The following TMPRSS9 variants were observed in gnomAD, a reference collection of about 807,000 sequenced individuals.
The protein encoded by TMPRSS9 is transmembrane serine protease 9.
TMPRSS9 carries 113 observed loss-of-function variants against 111.4 expected under a neutral mutation model. That is an observed-to-expected ratio of 1.01 (90% CI 0.87 to 1.19). The LOEUF (loss-of-function observed/expected upper bound fraction) is 1.19. TMPRSS9 is among the 50% of genes most tolerant of loss of function. The pLI is 0.00. For missense variants in TMPRSS9, 1,803 were observed against 1,513.1 expected (o/e 1.19, Z -3.18); for synonymous variants, 805 against 659.1 (o/e 1.22, Z -3.39).
At chr19:2,416,298 A>C (rs1333658513) in intron 11 of TMPRSS9, 1 of 567,150 alleles carries the variant, frequency 1.8e-6, no homozygotes, top group Non-Finnish European at 3.1e-6. Flanking sequence ...ACAGGTGTAG[A>C]AAATGAAGCC....
intron 1 of TMPRSS9, among the ~76,000 whole-genome samples, chr19:2,379,615 C>CTTTCTTTCTT (rs1555676512): frequency 2.5e-5 from 3 of 118,510 alleles, no homozygotes; most frequent in African/African-American, 6.4e-5. Context: ...AACTTTCTTT[C>CTTTCTTTCTT]TCTTTCTTTC....
At chr19:2,414,081 A>G (rs188033553) in intron 10 of TMPRSS9, 63 bp downstream of exon 11, 9 of 1,431,108 alleles carry the variant, frequency 6.3e-6, no homozygotes, top group South Asian at 2.9e-5. Context: ...GGGAGAACGG[A>G]TATCGTCATA....
intron 9 of TMPRSS9, among the ~76,000 whole-genome samples, chr19:2,413,179 A>C (rs888598479): frequency 6.6e-6 from 1 of 152,140 alleles, no homozygotes; most frequent in Admixed American, 6.6e-5. Context: ...TGGGCAACAG[A>C]GCAAAACTCT....
intron 1 of TMPRSS9, 28 bp downstream of exon 2, chr19:2,389,955 C>T (rs559847158): frequency 7.5e-6 from 12 of 1,593,944 alleles, no homozygotes; most frequent in South Asian, 3.3e-5. Flanking sequence ...TGGCTGGGTT[C>T]GCAATACAAG....
exon 17 of TMPRSS9, chr19:2,425,467 C>A: frequency 1.9e-6 from 3 of 1,591,354 alleles, no homozygotes; most frequent in Non-Finnish European, 2.6e-6. Context: ...TGCCGGCTTC[C>A]CGCAGGGTGG....
intron 7 of TMPRSS9, among the ~76,000 whole-genome samples, chr19:2,407,493 C>T (rs568697879): frequency 6.6e-6 from 1 of 151,778 alleles, no homozygotes; most frequent in African/African-American, 2.4e-5. Context: ...CGCCACTGCA[C>T]TCCAGTCTGG....
intron 12 of TMPRSS9, 152 bp from the exon 14 acceptor site, chr19:2,417,850 C>G: frequency 8.8e-7 from 1 of 1,137,210 alleles, no homozygotes; most frequent in Non-Finnish European, 1.3e-6. Flanking sequence ...CCTCCTCACT[C>G]TGTGGCTTTG....
At chr19:2,395,668 T>A (rs1004635123) in intron 1 of TMPRSS9, among the ~76,000 whole-genome samples, 3 of 150,296 alleles carry the variant, frequency 2.0e-5, no homozygotes, top group African/African-American at 7.4e-5. Flanking sequence ...TGAGGCGAGA[T>A]CATGCCATTG....
At position 2,398,155 on chromosome 19, in the gene TMPRSS9, G is replaced by A. The variant is rs112203660; in HGVS notation, c.271-640G>A. 1.4e-3 allele frequency among the ~76,000 whole-genome samples: 216 copies of A among 149,620 alleles called. 2 individuals carry two copies. The highest frequency in any genetic ancestry group is 4.9e-3 in the African/African-American group (197 of 40,358). On this transcript the variant is annotated intron_variant, in intron 2 of 17. Coordinates refer to ENST00000648592, the Ensembl canonical transcript of TMPRSS9. ...CTAAAAAATACAAAAAATTAGCCACGCATGGTGGTGTGTGCCTGTAATCCC... is the reference window on the plus strand; with the variant it reads ...CTAAAAAATACAAAAAATTAGCCACACATGGTGGTGTGTGCCTGTAATCCC...
chr19:2,411,286 CAA>C (rs1325957999), intron 9 of TMPRSS9, among the ~76,000 whole-genome samples: 1 of 67,702 alleles, frequency 1.5e-5, no homozygotes, highest in African/African-American at 6.0e-5. Flanking sequence ...GGCGACAAAG[CAA>C]GACTCTGTCT....
At chr19:2,424,202 G>T in exon 15 of TMPRSS9, 1 of 1,454,650 alleles carries the variant, frequency 6.9e-7, no homozygotes, top group Non-Finnish European at 9.1e-7. Context: ...ACACCGTTGC[G>T]GGGCCGTGCT....
chr19:2,361,903 T>C (rs1181837474), intron 1 of TMPRSS9, among the ~76,000 whole-genome samples: 2 of 152,152 alleles, frequency 1.3e-5, no homozygotes, highest in Non-Finnish European at 2.9e-5. Flanking sequence ...AGGACACCTG[T>C]GGTCCTGGCT....
At chr19:2,363,565 G>A (rs978247142) in intron 1 of TMPRSS9, among the ~76,000 whole-genome samples, 10 of 151,764 alleles carry the variant, frequency 6.6e-5, no homozygotes, top group South Asian at 2.1e-4. Context: ...GTGATTCCCC[G>A]TGCATCTGTG....
intron 7 of TMPRSS9, among the ~76,000 whole-genome samples, chr19:2,406,577 C>T (rs1040432884): frequency 9.3e-5 from 14 of 150,076 alleles, no homozygotes; most frequent in African/African-American, 1.5e-4. Context: ...TCAGGTGATC[C>T]GCCCACCTCA....
intron 1 of TMPRSS9, among the ~76,000 whole-genome samples, chr19:2,365,986 T>A (rs1006522581): frequency 1.3e-5 from 2 of 150,142 alleles, no homozygotes; most frequent in East Asian, 4.0e-4. Context: ...TAAATAATTT[T>A]AAAAAAGAGA....
intron 2 of TMPRSS9, 87 bp downstream of exon 3, chr19:2,396,753 G>A (rs1343857723): frequency 6.7e-7 from 1 of 1,493,866 alleles, no homozygotes; most frequent in African/African-American, 1.4e-5. Flanking sequence ...GTGGGAGGGA[G>A]GCAGGCCACA....
At chr19:2,413,911 C>A (rs945645638) in exon 10 of TMPRSS9, 41 of 1,612,902 alleles carry the variant, frequency 2.5e-5, no homozygotes, top group Non-Finnish European at 3.3e-5. Flanking sequence ...GCCCCCAGCA[C>A]AGCCTGGCCC....
intron 1 of TMPRSS9, among the ~76,000 whole-genome samples, chr19:2,363,778 C>CTG (rs1491346219): frequency 0.012 from 1,382 of 118,780 alleles, 21 homozygotes; most frequent in African/African-American, 0.033. Flanking sequence ...ATTCCAAGAA[C>CTG]TCTGTGTGTG....
chr19:2,424,620 G>GC lies in TMPRSS9; in HGVS notation c.2717+369dup, dbSNP rs551944758. ...CCCTCGCCCCTGGGACTTGGCTCCA[G>GC]CCCCCCAAAGCCCACCCAGTAGAAA... On this transcript the variant is annotated intron_variant, in intron 15 of 17. Coordinates refer to ENST00000648592, the Ensembl canonical transcript of TMPRSS9. Among the ~76,000 whole-genome samples the GC allele has an allele frequency of 1.7e-3, 250 of 151,436 alleles. 1 individual carries two copies. Among genetic ancestry groups the GC allele is most frequent in the Non-Finnish European group, 3.2e-3 (219 of 67,898 alleles).
Sources: gnomAD v4.1 joint callset for allele counts (sites outside exome capture counted in the v4.1 genomes callset) on GRCh38, gnomAD v4.1.1 for gene constraint, MANE v1.5 for transcripts, NCBI Gene and HGNC (gene_info 2026-07-23, HGNC 2026-07-21) for gene names.